MME: variants seen among roughly 807,000 people sequenced by gnomAD.
The protein encoded by MME is membrane metalloendopeptidase.
Under a neutral mutation model 113.2 loss-of-function variants are expected in MME, and 98 were observed. The ratio of observed to expected loss-of-function variants is 0.87; its 90% CI spans 0.74 to 1.02. The LOEUF is 1.02. Ranked by LOEUF, MME falls within the 50% of genes least tolerant of loss-of-function variation. The pLI is 0.00. For missense variants in MME, 836 were observed against 896.0 expected (o/e 0.93, Z 0.86); for synonymous variants, 292 against 300.6 (o/e 0.97, Z 0.30).
chr3:155,139,420 G>T (rs1576633321), intron 9 of MME, among the ~76,000 whole-genome samples: 1 of 152,132 alleles, frequency 6.6e-6, no homozygotes, highest in South Asian at 2.1e-4. Context: ...ATAAATAATT[G>T]TTTTCAGTAA....
intron 1 of MME, among the ~76,000 whole-genome samples, chr3:155,072,568 T>G (rs965707496): frequency 2.0e-5 from 3 of 152,242 alleles, no homozygotes; most frequent in Non-Finnish European, 4.4e-5. Context: ...TTGGTTTGTT[T>G]GTTTGGTTGG....
chr3:155,144,781 A>G (rs1721381826), intron 14 of MME, among the ~76,000 whole-genome samples: 1 of 152,142 alleles, frequency 6.6e-6, no homozygotes, highest in East Asian at 1.9e-4. Context: ...ATTCATGCCC[A>G]CCCATAATGT....
At chr3:155,064,442 G>C (rs2108139383) in intron 1 of MME, among the ~76,000 whole-genome samples, 1 of 152,302 alleles carries the variant, frequency 6.6e-6, no homozygotes, top group Admixed American at 6.5e-5. Flanking sequence ...ATTAAGTGAG[G>C]CTAAGGAAAA....
chr3:155,137,102 A>G (rs1470656148), intron 8 of MME, among the ~76,000 whole-genome samples: 2 of 152,236 alleles, frequency 1.3e-5, no homozygotes, highest in East Asian at 3.8e-4. Context: ...CAACTATTCT[A>G]TAGTTTACTT....
intron 8 of MME, among the ~76,000 whole-genome samples, chr3:155,119,053 G>A (rs902149672): frequency 6.6e-6 from 1 of 152,114 alleles, no homozygotes; most frequent in Non-Finnish European, 1.5e-5. Context: ...TTGGTTTTTA[G>A]TATTTAAAAC....
chr3:155,117,656 T>C (rs560435459), intron 7 of MME, among the ~76,000 whole-genome samples: 121 of 150,158 alleles, frequency 8.1e-4, no homozygotes, highest in Non-Finnish European at 1.5e-3. Flanking sequence ...TGCAGGCTAC[T>C]GAATCACCTA....
At chr3:155,106,382 TCACAAAAGCAA>T (rs1269727945) in intron 3 of MME, among the ~76,000 whole-genome samples, 8 of 152,212 alleles carry the variant, frequency 5.3e-5, no homozygotes, top group Non-Finnish European at 1.0e-4. Context: ...AACCAAGGCA[TCACAAAAGCAA>T]TTTGGGGGCA....
intron 17 of MME, among the ~76,000 whole-genome samples, chr3:155,163,310 T>A (rs1245795377): frequency 6.6e-6 from 1 of 152,222 alleles, no homozygotes; most frequent in Non-Finnish European, 1.5e-5. Flanking sequence ...GACTTACTCA[T>A]ATCAATAATT....
rs752717575 is a variant in MME at position 155,089,804 on chromosome 3, C to A, written c.196+4710C>A. ...ACCAGCCTGGCCTACATGGTGAAAC[C>A]CCATCTCTGCTAAAAATACAAAAAT... is the stretch of plus-strand genomic sequence containing the variant. On this transcript the variant is annotated intron_variant, in intron 3 of 22. Transcript: ENST00000360490. The A allele has an allele frequency of 1.6e-5, 7 of 448,226 alleles. No homozygotes were observed. The East Asian group carries it at 4.9e-4, about 31-fold the overall frequency. The allele number at this position is 448,226 out of a possible 1,614,324, so 27.8% of individuals were successfully genotyped here. A position where few individuals can be genotyped will look rare whatever the true frequency, so the allele number is the denominator to read the frequency against.
At chr3:155,134,972 T>G (rs1237147455) in intron 8 of MME, among the ~76,000 whole-genome samples, 1 of 152,198 alleles carries the variant, frequency 6.6e-6, no homozygotes, top group African/African-American at 2.4e-5. Context: ...TTCCTACTTT[T>G]TAATGGGGCT....
At position 155,035,627 on chromosome 3, in the gene MME, A is replaced by C. The variant is rs1467662803; in HGVS notation, c.-11+11303A>C. On this transcript the variant is annotated intron_variant, in intron 1 of 22. Coordinates refer to the MME transcript ENST00000492661. ...AGAAGTTAGTGGAAGGGCTGTGTAG[A>C]TATATGGGGGGCAGGTACCCAGTTC... is the stretch of plus-strand genomic sequence containing the variant. 2.0e-5 allele frequency among the ~76,000 whole-genome samples: 3 copies of C among 152,286 alleles called. No individual in the cohort carries two copies. In the South Asian group the frequency reaches 6.2e-4, roughly 32 times the overall value.
chr3:155,145,914 T>G (rs1478646419), intron 14 of MME, among the ~76,000 whole-genome samples: 1 of 152,146 alleles, frequency 6.6e-6, no homozygotes, highest in African/African-American at 2.4e-5. Context: ...CCTCAGTGAC[T>G]TCAGTGATAC....
At chr3:155,098,166 G>T (rs896283327) in intron 3 of MME, among the ~76,000 whole-genome samples, 1 of 152,122 alleles carries the variant, frequency 6.6e-6, no homozygotes, top group Non-Finnish European at 1.5e-5. Flanking sequence ...TTTGCAGGGG[G>T]CAAGGGAATG....
intron 1 of MME, among the ~76,000 whole-genome samples, chr3:155,052,600 G>A (rs1267248528): frequency 6.6e-6 from 1 of 152,214 alleles, no homozygotes; most frequent in Non-Finnish European, 1.5e-5. Context: ...TGGGATGTGG[G>A]GCACCACGTA....
rs1470141217 is a variant in MME at position 155,158,672 on chromosome 3, T to C, written c.1602-1718T>C. On this transcript the variant is annotated intron_variant, in intron 16 of 22. Transcript: ENST00000360490. The stretch of plus-strand genomic sequence containing the variant: ...CAATCTATTTGTTCTACATCGTTTC[T>C]GATCTCTCAATTTTAGTCTAATATC... 3 of 152,268 alleles carry C rather than the reference T, an allele frequency of 2.0e-5. No individual in the cohort carries two copies. In the East Asian group the frequency reaches 5.8e-4, roughly 29 times the overall value. The allele number at this position is 152,268 out of a possible 1,614,324, so 9.4% of individuals were successfully genotyped here. A position where few individuals can be genotyped will look rare whatever the true frequency, so the allele number is the denominator to read the frequency against.
intron 1 of MME, among the ~76,000 whole-genome samples, chr3:155,058,313 T>C (rs1714009255): frequency 6.6e-6 from 1 of 152,192 alleles, no homozygotes; most frequent in Admixed American, 6.5e-5. Flanking sequence ...TATTTTCTCC[T>C]TGAAGGCAAT....
intron 1 of MME, chr3:155,083,633 T>C (rs938253631): frequency 3.8e-5 from 6 of 158,856 alleles, no homozygotes; most frequent in African/African-American, 1.4e-4. Context: ...AATAAACTAC[T>C]TCATGTGTTC....
intron 10 of MME, 117 bp from the exon 11 acceptor site, chr3:155,141,874 T>C: frequency 9.1e-7 from 1 of 1,097,288 alleles, no homozygotes; most frequent in South Asian, 1.4e-5. Flanking sequence ...ATTGAAACAA[T>C]TGAGGAAGAA....
upstream of MME, among the ~76,000 whole-genome samples, chr3:155,077,003 C>G (rs1387590958): frequency 6.6e-6 from 1 of 152,116 alleles, no homozygotes; most frequent in Non-Finnish European, 1.5e-5. Flanking sequence ...GTCTTTCTGA[C>G]CTATACCTTG....
Sources: gnomAD v4.1 joint callset for allele counts (sites outside exome capture counted in the v4.1 genomes callset) on GRCh38, gnomAD v4.1.1 for gene constraint, MANE v1.5 for transcripts, NCBI Gene and HGNC (gene_info 2026-07-23, HGNC 2026-07-21) for gene names.